PDE8A: variants seen among roughly 807,000 people sequenced by gnomAD.
PDE8A encodes high affinity cAMP-specific and IBMX-insensitive 3',5'-cyclic phosphodiesterase 8A.
In PDE8A, 59 loss-of-function variants were observed where a neutral mutation model predicts 105.0. The observed-to-expected ratio is 0.56, with a 90% CI of 0.46 to 0.70. The LOEUF is 0.70. Ranked by LOEUF, PDE8A falls within the 30% of genes least tolerant of loss-of-function variation. PDE8A has a pLI of 0.00. For synonymous variants in PDE8A, 355 were observed against 371.9 expected, an observed-to-expected ratio of 0.95 and a Z score of 0.52; for missense variants, 1,014 against 1,045.9, an observed-to-expected ratio of 0.97 and a Z score of 0.42.
chr15:84,993,309 GGCA>G (rs2079918862), intron 1 of PDE8A, among the ~76,000 whole-genome samples: 2 of 151,972 alleles, frequency 1.3e-5, no homozygotes, highest in Admixed American at 1.3e-4. Flanking sequence ...CGGGTGTGGT[GGCA>G]GGTGCCTGTA....
chr15:85,002,969 A>G (rs1273656563), intron 1 of PDE8A, among the ~76,000 whole-genome samples: 1 of 152,232 alleles, frequency 6.6e-6, no homozygotes, highest in Non-Finnish European at 1.5e-5. Context: ...ATTATATCAC[A>G]ACTATACTTT....
At chr15:85,107,363 T>C (rs2081961892) in intron 11 of PDE8A, among the ~76,000 whole-genome samples, 1 of 152,162 alleles carries the variant, frequency 6.6e-6, no homozygotes, top group African/African-American at 2.4e-5. Flanking sequence ...GGATGAGCCA[T>C]TGAAGTGTTT....
At chr15:85,132,706 C>T (rs565500479) in intron 20 of PDE8A, among the ~76,000 whole-genome samples, 1 of 152,294 alleles carries the variant, frequency 6.6e-6, no homozygotes, top group African/African-American at 2.4e-5. Flanking sequence ...ATCCACCCAC[C>T]TCAGCTTCCC....
At chr15:85,002,806 A>G (rs923032625) in intron 1 of PDE8A, among the ~76,000 whole-genome samples, 3 of 152,136 alleles carry the variant, frequency 2.0e-5, no homozygotes, top group South Asian at 4.1e-4. Context: ...GGTGTTGTGG[A>G]AGGGGCTTGT....
intron 5 of PDE8A, among the ~76,000 whole-genome samples, chr15:85,079,911 C>T (rs934699818): frequency 2.1e-4 from 31 of 150,654 alleles, no homozygotes; most frequent in African/African-American, 7.6e-4. Flanking sequence ...AAGACTCCAT[C>T]TCAAAAAAAA....
At chr15:85,084,059 T>G (rs895311114) in intron 6 of PDE8A, among the ~76,000 whole-genome samples, 1 of 150,228 alleles carries the variant, frequency 6.7e-6, no homozygotes, top group African/African-American at 2.4e-5. Context: ...GTTTTTTGGT[T>G]TTTTTTTTTA....
At chr15:84,982,505 CG>C (rs955227354) in intron 1 of PDE8A, among the ~76,000 whole-genome samples, 157 bp downstream of exon 1, 7 of 152,198 alleles carry the variant, frequency 4.6e-5, no homozygotes, top group Non-Finnish European at 8.8e-5. Context: ...CCCGCCTTGC[CG>C]GGGCAGCGTT....
At chr15:84,983,866 G>C (rs2142135192) in intron 1 of PDE8A, among the ~76,000 whole-genome samples, 1 of 152,302 alleles carries the variant, frequency 6.6e-6, no homozygotes. Flanking sequence ...AATTCACCTA[G>C]GTGTCTTGTA....
At chr15:85,041,575 C>T (rs974260951) in intron 1 of PDE8A, among the ~76,000 whole-genome samples, 22 of 152,200 alleles carry the variant, frequency 1.4e-4, no homozygotes, top group African/African-American at 5.1e-4. Context: ...AGACTTTCCG[C>T]CCACCATTTT....
intron 1 of PDE8A, among the ~76,000 whole-genome samples, chr15:85,053,904 A>C (rs1181890082): frequency 6.6e-6 from 1 of 152,218 alleles, no homozygotes; most frequent in East Asian, 1.9e-4. Context: ...CCAGTTTTCA[A>C]AGGGAATGCT....
intron 1 of PDE8A, among the ~76,000 whole-genome samples, chr15:85,048,789 G>A (rs1467077246): frequency 7.9e-5 from 12 of 152,122 alleles, no homozygotes. Context: ...TCAAGCACTT[G>A]AAAGTTGATT....
intron 1 of PDE8A, among the ~76,000 whole-genome samples, chr15:85,020,271 C>T (rs2080403040): frequency 6.6e-6 from 1 of 151,958 alleles, no homozygotes; most frequent in Non-Finnish European, 1.5e-5. Flanking sequence ...GTGGTTTTGG[C>T]GAGTTTTTCC....
chr15:85,036,067 T>C (rs925032630), intron 1 of PDE8A, among the ~76,000 whole-genome samples: 5 of 152,200 alleles, frequency 3.3e-5, no homozygotes, highest in South Asian at 2.1e-4. Flanking sequence ...TGGAACTGGA[T>C]TGAAAAACAT....
intron 19 of PDE8A, among the ~76,000 whole-genome samples, chr15:85,125,512 CA>C (rs2082245365): frequency 6.6e-6 from 1 of 152,182 alleles, no homozygotes; most frequent in Admixed American, 6.5e-5. Context: ...GGACTAAAGG[CA>C]GAACTGAAGT....
intron 1 of PDE8A, among the ~76,000 whole-genome samples, chr15:85,030,028 C>T (rs1596457332): frequency 6.6e-6 from 1 of 152,108 alleles, no homozygotes; most frequent in Non-Finnish European, 1.5e-5. Context: ...CTAGTGGCTT[C>T]CACTGCTGTC....
intron 7 of PDE8A, among the ~76,000 whole-genome samples, chr15:85,090,516 C>T (rs2081623738): frequency 6.6e-6 from 1 of 152,092 alleles, no homozygotes; most frequent in Middle Eastern, 3.2e-3. Context: ...TAGTTCATAG[C>T]CTGCTTTCCA....
intron 6 of PDE8A, among the ~76,000 whole-genome samples, chr15:85,086,551 T>A (rs1329538990): frequency 6.6e-6 from 1 of 152,136 alleles, no homozygotes; most frequent in African/African-American, 2.4e-5. Flanking sequence ...ACAAGAGATA[T>A]TAATGGCCAA....
intron 11 of PDE8A, among the ~76,000 whole-genome samples, chr15:85,102,239 G>A (rs551955376): frequency 1.4e-4 from 21 of 152,278 alleles, no homozygotes; most frequent in Admixed American, 4.6e-4. Flanking sequence ...TCTGGAGAGC[G>A]TTGCTGAAGC....
chr15:84,997,795 A>T (rs1175635575), intron 1 of PDE8A, among the ~76,000 whole-genome samples: 1 of 152,024 alleles, frequency 6.6e-6, no homozygotes, highest in African/African-American at 2.4e-5. Flanking sequence ...GGGTTTCTCC[A>T]TGTTGGTCAG....
Sources: allele counts gnomAD v4.1 joint callset (sites outside exome capture counted in the v4.1 genomes callset), GRCh38; gene constraint gnomAD v4.1.1; transcripts MANE v1.5; gene names NCBI Gene and HGNC (gene_info 2026-07-23, HGNC 2026-07-21).